The following LNX1 variants were observed in gnomAD, a reference collection of about 807,000 sequenced individuals.
LNX1 encodes the protein ligand of numb-protein X 1.
In LNX1, 54 loss-of-function variants were observed where a neutral mutation model predicts 68.4. The observed-to-expected ratio is 0.79, with a 90% CI of 0.63 to 0.99. The LOEUF is 0.99. Among genes scored for constraint, LNX1 ranks in the 50% least tolerant of loss-of-function variants. LNX1 has a pLI of 0.00. For synonymous variants in LNX1, 336 were observed against 350.0 expected (o/e 0.96, Z 0.45); for missense variants, 906 against 926.4 (o/e 0.98, Z 0.29).
chr4:53,531,435 C>T (rs1159942395), intron 2 of LNX1, among the ~76,000 whole-genome samples: 1 of 152,238 alleles, frequency 6.6e-6, no homozygotes, highest in Non-Finnish European at 1.5e-5. Context: ...CCCTAATAAT[C>T]TTGAAATTCG....
intron 2 of LNX1, among the ~76,000 whole-genome samples, chr4:53,613,708 T>C (rs1401267010): frequency 1.3e-5 from 2 of 152,216 alleles, no homozygotes; most frequent in African/African-American, 4.8e-5. Flanking sequence ...CAGTCTATGA[T>C]TGATGGGTAT....
intron 2 of LNX1, among the ~76,000 whole-genome samples, chr4:53,606,364 C>T (rs1459644866): frequency 6.6e-6 from 1 of 152,082 alleles, no homozygotes; most frequent in East Asian, 1.9e-4. Flanking sequence ...AAACATACAA[C>T]CTCCCAAGAT....
intron 1 of LNX1, among the ~76,000 whole-genome samples, chr4:53,585,927 G>T (rs1209939067): frequency 6.6e-6 from 1 of 152,158 alleles, no homozygotes; most frequent in Admixed American, 6.5e-5. Context: ...CAGGAATGGG[G>T]TGAATGCTCC....
intron 2 of LNX1, among the ~76,000 whole-genome samples, chr4:53,514,292 G>A (rs1361565381): frequency 2.6e-5 from 4 of 152,150 alleles, no homozygotes; most frequent in African/African-American, 7.2e-5. Flanking sequence ...ATGAAAGAAC[G>A]ACTTTTGCTA....
At chr4:53,649,920 A>G (rs1188117190) in intron 1 of LNX1, among the ~76,000 whole-genome samples, 1 of 152,148 alleles carries the variant, frequency 6.6e-6, no homozygotes, top group East Asian at 1.9e-4. Context: ...AGCGCTTTGT[A>G]TCTGTTGTTG....
chr4:53,557,939 C>A, intron 2 of LNX1: 1 of 1,613,568 alleles, frequency 6.2e-7, no homozygotes. Flanking sequence ...TGAGCCAAGG[C>A]AAGACCAGCA....
chr4:53,519,685 G>A (rs1382734359), intron 2 of LNX1, among the ~76,000 whole-genome samples: 1 of 151,652 alleles, frequency 6.6e-6, no homozygotes, highest in Non-Finnish European at 1.5e-5. Context: ...GCGCGCACAT[G>A]CACACACACA....
At chr4:53,464,503 A>AGAT (rs983108254) in intron 9 of LNX1, among the ~76,000 whole-genome samples, 4 of 19,408 alleles carry the variant, frequency 2.1e-4, no homozygotes, top group Admixed American at 5.2e-4. Flanking sequence ...TGTTTATGGG[A>AGAT]GATTAATATG....
intron 1 of LNX1, among the ~76,000 whole-genome samples, chr4:53,645,857 T>C (rs1203204781): frequency 6.6e-6 from 1 of 152,250 alleles, no homozygotes; most frequent in Non-Finnish European, 1.5e-5. Context: ...ACCAGACTCC[T>C]GGGCATGCAT....
At chr4:53,470,035 CAAAA>C (rs77005321) in intron 9 of LNX1, among the ~76,000 whole-genome samples, 1 of 151,944 alleles carries the variant, frequency 6.6e-6, no homozygotes, top group Non-Finnish European at 1.5e-5. Flanking sequence ...AGAGACACAA[CAAAA>C]AAAGAGAATT....
intron 9 of LNX1, 83 bp from the exon 10 acceptor site, chr4:53,461,676 T>C: frequency 9.1e-7 from 1 of 1,095,540 alleles, no homozygotes; most frequent in Non-Finnish European, 1.3e-6. Flanking sequence ...CCTCCATTCC[T>C]TTTGTTGGCA....
chr4:53,562,967 T>C (rs1167851968), intron 2 of LNX1, among the ~76,000 whole-genome samples: 1 of 152,126 alleles, frequency 6.6e-6, no homozygotes, highest in Admixed American at 6.6e-5. Flanking sequence ...TCCCAGAACT[T>C]TGGGAGGCCG....
At chr4:53,528,030 C>G (rs1363514209) in intron 2 of LNX1, among the ~76,000 whole-genome samples, 1 of 152,182 alleles carries the variant, frequency 6.6e-6, no homozygotes, top group African/African-American at 2.4e-5. Flanking sequence ...ATTTAATACT[C>G]AGAATTCAGG....
intron 2 of LNX1, among the ~76,000 whole-genome samples, chr4:53,547,084 A>T (rs1158493977): frequency 6.6e-6 from 1 of 152,210 alleles, no homozygotes. Flanking sequence ...TACTGTGGAT[A>T]AAGTTAGTTG....
At chr4:53,566,965 T>G (rs1219847322) in intron 2 of LNX1, among the ~76,000 whole-genome samples, 1 of 152,082 alleles carries the variant, frequency 6.6e-6, no homozygotes, top group African/African-American at 2.4e-5. Context: ...TATATATGCA[T>G]CCAATACAGG....
At chr4:53,592,744 G>C (rs367743562), upstream of LNX1, among the ~76,000 whole-genome samples, 14 of 152,168 alleles carry the variant, frequency 9.2e-5, no homozygotes, top group African/African-American at 3.1e-4. Context: ...GTTTGGTTTG[G>C]GGGAGGGTGG....
intron 4 of LNX1, among the ~76,000 whole-genome samples, chr4:53,501,285 T>TC (rs200343239): frequency 2.5e-5 from 1 of 39,996 alleles, no homozygotes; most frequent in Non-Finnish European, 5.7e-5. Flanking sequence ...AATAATCTTT[T>TC]TTTTTTTTTT....
chr4:53,492,123 A>C (rs1470598885), intron 6 of LNX1, among the ~76,000 whole-genome samples: 1 of 152,134 alleles, frequency 6.6e-6, no homozygotes, highest in Non-Finnish European at 1.5e-5. Context: ...CTGGCAGGTA[A>C]TATTAGTTGG....
At chr4:53,583,970 A>G (rs1731995780) in intron 1 of LNX1, among the ~76,000 whole-genome samples, 1 of 142,754 alleles carries the variant, frequency 7.0e-6, no homozygotes, top group South Asian at 2.1e-4. Flanking sequence ...AACAACAACA[A>G]CAACGACAAA....
Sources: gnomAD v4.1 joint callset for allele counts (sites outside exome capture counted in the v4.1 genomes callset) on GRCh38, gnomAD v4.1.1 for gene constraint, MANE v1.5 for transcripts, NCBI Gene and HGNC (gene_info 2026-07-23, HGNC 2026-07-21) for gene names.